Variants in DOCK2 observed in about 807,000 individuals in gnomAD.
The protein encoded by DOCK2 is dedicator of cytokinesis 2, also known as dedicator of cytokinesis protein 2.
Under a neutral mutation model 248.9 loss-of-function variants are expected in DOCK2, and 87 were observed. The ratio of observed to expected loss-of-function variants is 0.35; its 90% CI spans 0.29 to 0.42. The LOEUF is 0.42. Among genes scored for constraint, DOCK2 ranks in the 10% least tolerant of loss-of-function variants. The probability of loss-of-function intolerance (pLI) is 1.00; values close to 1 mark genes in which losing one functional copy is unlikely to be tolerated. For synonymous variants in DOCK2, 805 were observed against 821.6 expected (o/e 0.98, Z 0.35); for missense variants, 1,747 against 2,300.2 (o/e 0.76, Z 4.92).
At chr5:169,786,754 A>G (rs1198322367) in intron 25 of DOCK2, among the ~76,000 whole-genome samples, 1 of 152,160 alleles carries the variant, frequency 6.6e-6, no homozygotes, top group East Asian at 1.9e-4. Context: ...TCTGTTTTAA[A>G]CAGGAAAAAT....
At chr5:169,920,368 C>T (rs17560633) in intron 27 of DOCK2, among the ~76,000 whole-genome samples, 47,069 of 152,166 alleles carry the variant, frequency 0.31, 8,615 homozygotes, top group South Asian at 0.4. Context: ...TTCAGAAACA[C>T]CAAGGGGAAG....
At chr5:169,679,632 G>C (rs1055825649) in intron 6 of DOCK2, among the ~76,000 whole-genome samples, 1 of 152,230 alleles carries the variant, frequency 6.6e-6, no homozygotes, top group Non-Finnish European at 1.5e-5. Context: ...TATCAGCGAT[G>C]CTCCATCTTT....
chr5:170,018,775 T>G (rs1479523658), intron 32 of DOCK2, among the ~76,000 whole-genome samples, 185 bp from the exon 33 acceptor site: 1 of 152,206 alleles, frequency 6.6e-6, no homozygotes, highest in Non-Finnish European at 1.5e-5. Flanking sequence ...ATGCATGCGC[T>G]CTAACGGGAG....
chr5:169,648,402 C>A (rs1757598307), intron 1 of DOCK2, among the ~76,000 whole-genome samples: 1 of 152,180 alleles, frequency 6.6e-6, no homozygotes, highest in Non-Finnish European at 1.5e-5. Context: ...TCACTGGAAT[C>A]CTAACTTTCG....
rs190754093 is a variant in DOCK2, at chr5:169,641,751, C to T, written c.43+4382C>T. Reference sequence around the variant, plus strand: ...TCTCCCCACCACCTCCCTCTGATTGCATTGTTCCTTCGTAACTGATACTCT... The same window carrying T: ...TCTCCCCACCACCTCCCTCTGATTGTATTGTTCCTTCGTAACTGATACTCT... On this transcript the variant is annotated intron_variant, in intron 1 of 51. Coordinates refer to ENST00000520908, the MANE Select transcript of DOCK2 (RefSeq NM_004946.3). Among the ~76,000 whole-genome samples, 9 of 152,304 alleles carry T rather than the reference C, an allele frequency of 5.9e-5. No homozygotes were observed. The East Asian group carries it at 1.7e-3, about 29-fold the overall frequency.
chr5:169,736,410 T>A (rs954654563), intron 22 of DOCK2, among the ~76,000 whole-genome samples: 2 of 152,156 alleles, frequency 1.3e-5, no homozygotes, highest in Non-Finnish European at 2.9e-5. Context: ...TCTGATATGT[T>A]TTAATGTAAT....
Position 169,717,402 on chromosome 5 carries a change from A to C in DOCK2, c.2050A>C (p.Ile684Leu). The change falls in exon 21 of 52, where the codon ATT becomes CTT. Residue 684 changes from isoleucine (I) to leucine (L), a missense_variant. Ile to Leu is a conservative substitution (Grantham distance 5). Coordinates refer to ENST00000520908, the MANE Select transcript of DOCK2 (RefSeq NM_004946.3). Reference protein sequence around the residue: ...FDALIYIIGLIADRKFQHFNT... With the variant: ...FDALIYIIGLLADRKFQHFNT... ...TCCTCAGATTTACATAATAGGACTC[A>C]TTGCAGACCGGAAATTTCAGCATTT... is the stretch of plus-strand genomic sequence containing the variant. 2 of 1,613,872 alleles carry C rather than the reference A, an allele frequency of 1.2e-6. No homozygotes were observed. Among genetic ancestry groups the C allele is most frequent in the Non-Finnish European group, 1.7e-6 (2 of 1,179,776 alleles).
chr5:169,765,050 C>T (rs1428396020), intron 25 of DOCK2, among the ~76,000 whole-genome samples: 1 of 147,280 alleles, frequency 6.8e-6, no homozygotes, highest in Non-Finnish European at 1.5e-5. Context: ...TGATGATTTA[C>T]CCCTCAGGGC....
chr5:169,735,673 C>T (rs1457845890), intron 22 of DOCK2, among the ~76,000 whole-genome samples: 1 of 152,170 alleles, frequency 6.6e-6, no homozygotes, highest in East Asian at 1.9e-4. Flanking sequence ...GGCACAATAA[C>T]AAAAACACAT....
intron 26 of DOCK2, among the ~76,000 whole-genome samples, chr5:169,840,147 C>T (rs1417696649): frequency 2.0e-5 from 3 of 152,154 alleles, no homozygotes; most frequent in African/African-American, 7.2e-5. Flanking sequence ...CTGGGGAGGC[C>T]TCGGGACACT....
intron 27 of DOCK2, among the ~76,000 whole-genome samples, chr5:169,909,654 A>C (rs1774484875): frequency 1.3e-5 from 2 of 152,234 alleles, no homozygotes; most frequent in African/African-American, 4.8e-5. Context: ...ATTCAAACTC[A>C]AATCTGCCCT....
intron 27 of DOCK2, among the ~76,000 whole-genome samples, chr5:169,959,585 A>G (rs972819192): frequency 6.6e-6 from 1 of 152,200 alleles, no homozygotes; most frequent in Non-Finnish European, 1.5e-5. Context: ...TCTTGCAAGC[A>G]GAGGTCACTG....
At chr5:170,023,654 G>T (rs1755806855) in intron 33 of DOCK2, among the ~76,000 whole-genome samples, 1 of 152,116 alleles carries the variant, frequency 6.6e-6, no homozygotes, top group African/African-American at 2.4e-5. Context: ...CTGACTTCCA[G>T]ACACCCCTTC....
chr5:170,025,209 G>A (rs1190024259), intron 33 of DOCK2, among the ~76,000 whole-genome samples: 3 of 152,240 alleles, frequency 2.0e-5, no homozygotes, highest in East Asian at 3.8e-4. Flanking sequence ...AGGTACTACT[G>A]TTATGCCCAT....
At position 169,837,870 on chromosome 5, in the gene DOCK2, C is replaced by T. The variant is rs369920434; in HGVS notation, c.2704-2887C>T. Reference sequence around the variant, plus strand: ...TTTTCTACTTTTAAATACCAAACTTCCTGAGCAGTCTAATTGCTGCTCTTT... The same window carrying T: ...TTTTCTACTTTTAAATACCAAACTTTCTGAGCAGTCTAATTGCTGCTCTTT... On this transcript the variant is annotated intron_variant, in intron 26 of 51. Transcript: ENST00000520908. 6.6e-5 allele frequency among the ~76,000 whole-genome samples: 10 copies of T among 152,136 alleles called. No individual in the cohort carries two copies. In the South Asian group the frequency reaches 2.1e-3, roughly 32 times the overall value.
chr5:169,708,371 C>A, intron 15 of DOCK2, 104 bp downstream of exon 15: 2 of 1,137,306 alleles, frequency 1.8e-6, no homozygotes, highest in South Asian at 1.4e-5. Flanking sequence ...TTACAACAGC[C>A]GTGTGAGGTT....
chr5:169,902,624 A>G (rs1231786089), intron 27 of DOCK2, among the ~76,000 whole-genome samples: 1 of 152,164 alleles, frequency 6.6e-6, no homozygotes, highest in Non-Finnish European at 1.5e-5. Context: ...GCCATTTGGG[A>G]AGCTGGGTTC....
At chr5:169,914,350 T>C (rs1368413796) in intron 27 of DOCK2, among the ~76,000 whole-genome samples, 10 of 152,236 alleles carry the variant, frequency 6.6e-5, no homozygotes, top group Non-Finnish European at 1.5e-4. Flanking sequence ...TTAATCTCAC[T>C]GATTCCTTCA....
At chr5:169,679,496 A>G (rs903552023) in intron 6 of DOCK2, among the ~76,000 whole-genome samples, 4 of 152,202 alleles carry the variant, frequency 2.6e-5, no homozygotes, top group African/African-American at 4.8e-5. Context: ...GGAATCCTCA[A>G]ATGACTTCTT....
Sources: allele counts gnomAD v4.1 joint callset (sites outside exome capture counted in the v4.1 genomes callset), GRCh38; gene constraint gnomAD v4.1.1; transcripts MANE v1.5; gene names NCBI Gene and HGNC (gene_info 2026-07-23, HGNC 2026-07-21).